FSTL1: variants seen among roughly 807,000 people sequenced by gnomAD.
FSTL1 encodes the protein follistatin-related protein 1.
Under a neutral mutation model 45.9 loss-of-function variants are expected in FSTL1, and 24 were observed. That is an observed-to-expected ratio of 0.52 (90% CI 0.38 to 0.74). The LOEUF is 0.74. FSTL1 is among the 30% of genes least tolerant of loss of function. The probability of loss-of-function intolerance (pLI) is 0.00; values close to 1 mark genes in which losing one functional copy is unlikely to be tolerated. For synonymous variants in FSTL1, 120 were observed against 137.6 expected (o/e 0.87, Z 0.89); for missense variants, 340 against 381.8 (o/e 0.89, Z 0.91).
intron 6 of FSTL1, among the ~76,000 whole-genome samples, chr3:120,406,206 T>C (rs942067361): frequency 1.3e-5 from 2 of 152,172 alleles, no homozygotes; most frequent in African/African-American, 4.8e-5. Context: ...ATGTCCTTTA[T>C]TCACTATACA....
At chr3:120,444,936 A>G (rs1576229401) in intron 2 of FSTL1, among the ~76,000 whole-genome samples, 1 of 149,862 alleles carries the variant, frequency 6.7e-6, no homozygotes, top group Non-Finnish European at 1.5e-5. Flanking sequence ...TCCATGATTT[A>G]TTTAACCCTT....
chr3:120,416,423 G>T (rs1363381541), intron 2 of FSTL1, among the ~76,000 whole-genome samples: 6 of 152,182 alleles, frequency 3.9e-5, no homozygotes, highest in Non-Finnish European at 7.3e-5. Flanking sequence ...CACAAAGAAA[G>T]AGACATTTGG....
At position 120,396,787 on chromosome 3, in the gene FSTL1, G is replaced by A; in HGVS notation, c.*165C>T. ...GCTGTGGCCCTTCCCTTCCTAGCCA[G>A]CCACCTTCATATCCTTTATTGCAAA... On this transcript the variant is annotated 3_prime_UTR_variant, in exon 11 of 11. Transcript: ENST00000295633. The A allele has an allele frequency of 1.6e-6, 1 of 629,808 alleles. No individual in the cohort carries two copies. Among genetic ancestry groups the A allele is most frequent in the South Asian group, 2.0e-5 (1 of 50,594 alleles). 39.0% of individuals were successfully genotyped at this position (629,808 alleles called of 1,614,324 possible).
intron 7 of FSTL1, among the ~76,000 whole-genome samples, chr3:120,403,648 G>T (rs9860676): frequency 0.12 from 18,241 of 152,020 alleles, 1,249 homozygotes; most frequent in African/African-American, 0.17. Context: ...TGTTTTCACT[G>T]CCTGCATACC....
intron 7 of FSTL1, among the ~76,000 whole-genome samples, chr3:120,404,417 CG>C (rs1447958438): frequency 2.0e-5 from 3 of 152,074 alleles, no homozygotes; most frequent in Middle Eastern, 3.2e-3. Context: ...TAAAAGTAGA[CG>C]GGCATATATC....
chr3:120,414,548 A>G lies in FSTL1; in HGVS notation c.168+1375T>C, dbSNP rs1475296605. On this transcript the variant is annotated intron_variant, in intron 3 of 10. Coordinates refer to ENST00000295633, the MANE Select transcript of FSTL1 (RefSeq NM_007085.5). ...ACAATGGCGGCTTTGTGGAATAGAA[A>G]GGCGGGAAAGGTGGGGAAAAGATTG... Among the ~76,000 whole-genome samples the G allele has an allele frequency of 2.0e-5, 3 of 152,166 alleles. No individual in the cohort carries two copies. In the East Asian group the frequency reaches 5.8e-4, roughly 29 times the overall value.
At chr3:120,418,652 A>T (rs1335555175) in intron 2 of FSTL1, among the ~76,000 whole-genome samples, 2 of 152,204 alleles carry the variant, frequency 1.3e-5, no homozygotes, top group Non-Finnish European at 2.9e-5. Flanking sequence ...GTGCGTTAAG[A>T]GTGCGTCAGA....
At chr3:120,448,987 T>C (rs1408546242) in intron 2 of FSTL1, among the ~76,000 whole-genome samples, 3 of 152,190 alleles carry the variant, frequency 2.0e-5, no homozygotes, top group Non-Finnish European at 4.4e-5. Context: ...ATTCACCTCA[T>C]CCATCACTGG....
intron 2 of FSTL1, among the ~76,000 whole-genome samples, chr3:120,447,379 C>T (rs1435584415): frequency 6.6e-6 from 1 of 152,102 alleles, no homozygotes; most frequent in Non-Finnish European, 1.5e-5. Context: ...TCTGCCTAGT[C>T]CATTCACATG....
intron 3 of FSTL1, 74 bp from the exon 4 acceptor site, chr3:120,412,057 GCACACACACACACA>G: frequency 1.8e-6 from 1 of 545,494 alleles, no homozygotes; most frequent in Non-Finnish European, 3.0e-6. Flanking sequence ...ACACATACAT[GCACACACACACACA>G]GAGCCATTTT....
chr3:120,432,810 G>T lies in FSTL1; in HGVS notation c.64-16783C>A, dbSNP rs182411204. 8.5e-5 allele frequency among the ~76,000 whole-genome samples: 13 copies of T among 152,318 alleles called. 1 individual carries two copies. The East Asian group carries it at 1.9e-3, about 23-fold the overall frequency. On this transcript the variant is annotated intron_variant, in intron 2 of 10. Transcript: ENST00000295633. The stretch of plus-strand genomic sequence containing the variant: ...GGGAACTCTGACTTAAGGAGTTAAG[G>T]CCACAGGTAAGTGGAGGTGGTTGGC...
intron 2 of FSTL1, among the ~76,000 whole-genome samples, chr3:120,435,973 G>A (rs1220928703): frequency 1.3e-5 from 2 of 151,968 alleles, no homozygotes; most frequent in African/African-American, 2.4e-5. Context: ...AATTACCTAA[G>A]CTGTAAAATG....
chr3:120,412,110 G>A, intron 3 of FSTL1, 127 bp from the exon 4 acceptor site: 1 of 937,680 alleles, frequency 1.1e-6, no homozygotes, highest in Non-Finnish European at 1.6e-6. Context: ...ACCAGAGATG[G>A]TGCTTCTACC....
At chr3:120,412,817 T>TGCGCGCGCGCGC (rs1491195635) in intron 3 of FSTL1, among the ~76,000 whole-genome samples, 1 of 87,622 alleles carries the variant, frequency 1.1e-5, no homozygotes, top group East Asian at 3.6e-4. Flanking sequence ...CACACACACA[T>TGCGCGCGCGCGC]GTGCGCGCGC....
chr3:120,406,589 C>A (rs986179458), intron 6 of FSTL1, among the ~76,000 whole-genome samples: 7 of 152,218 alleles, frequency 4.6e-5, no homozygotes, highest in African/African-American at 7.2e-5. Context: ...TGTGCTTTCT[C>A]AACTCATGAG....
chr3:120,407,501 G>A (rs1936969184), intron 6 of FSTL1, among the ~76,000 whole-genome samples: 2 of 152,190 alleles, frequency 1.3e-5, no homozygotes, highest in Admixed American at 6.5e-5. Context: ...TACATCACTG[G>A]TTATGGTGAA....
chr3:120,405,161 A>G (rs1478695747), intron 6 of FSTL1, among the ~76,000 whole-genome samples, 190 bp from the exon 7 acceptor site: 2 of 152,148 alleles, frequency 1.3e-5, no homozygotes, highest in Non-Finnish European at 2.9e-5. Flanking sequence ...TGTGCCCACA[A>G]TGAGAGAGGA....
intron 9 of FSTL1, among the ~76,000 whole-genome samples, chr3:120,402,338 T>C (rs1936842511): frequency 6.6e-6 from 1 of 152,214 alleles, no homozygotes. Flanking sequence ...TGGGTTAATA[T>C]GTAAAGTGCT....
intron 2 of FSTL1, among the ~76,000 whole-genome samples, chr3:120,442,172 G>A (rs1423954496): frequency 1.3e-5 from 2 of 152,186 alleles, no homozygotes; most frequent in African/African-American, 2.4e-5. Flanking sequence ...CATGAGTAGA[G>A]GAGACCTTTT....
Sources: gnomAD v4.1 joint callset for allele counts (sites outside exome capture counted in the v4.1 genomes callset) on GRCh38, gnomAD v4.1.1 for gene constraint, MANE v1.5 for transcripts, NCBI Gene and HGNC (gene_info 2026-07-23, HGNC 2026-07-21) for gene names.